Variants in GRIK2 observed in about 807,000 individuals in gnomAD.
The protein encoded by GRIK2 is glutamate receptor ionotropic, kainate 2.
A neutral mutation model predicts 100.3 loss-of-function variants in GRIK2; 32 were observed. The ratio of observed to expected loss-of-function variants is 0.32; its 90% CI spans 0.24 to 0.43. The LOEUF is 0.43. GRIK2 is among the 20% of genes least tolerant of loss of function. The pLI, the probability that GRIK2 is intolerant of heterozygous loss-of-function variation, is 1.00. For missense variants in GRIK2, 843 were observed against 1,114.9 expected (o/e 0.76, Z 3.47); for synonymous variants, 417 against 389.4 (o/e 1.07, Z -0.83).
chr6:101,493,233 T>A (rs1387143619), intron 2 of GRIK2, among the ~76,000 whole-genome samples: 1 of 152,062 alleles, frequency 6.6e-6, no homozygotes, highest in Non-Finnish European at 1.5e-5. Context: ...ACAGGGAAGA[T>A]GTTTCTGGAA....
chr6:101,584,121 T>G (rs674997), intron 2 of GRIK2, among the ~76,000 whole-genome samples: 41,099 of 151,972 alleles, frequency 0.27, 7,306 homozygotes, highest in Non-Finnish European at 0.4. Context: ...AAAATATGAT[T>G]ATAACATTTT....
chr6:101,816,520 C>G lies in GRIK2; in HGVS notation c.1204-1850C>G, dbSNP rs116916368. Among the ~76,000 whole-genome samples, 475 of 151,858 alleles carry G rather than the reference C, an allele frequency of 3.1e-3. 19 individuals are homozygous for G. The East Asian group carries it at 0.065, about 21-fold the overall frequency. ...CATGGTGAAACTAAAAATACAAATA[C>G]AAAATACTAAAAATACAAAAATTAG... On this transcript the variant is annotated intron_variant, in intron 9 of 16. Coordinates refer to ENST00000369134, the MANE Select transcript of GRIK2 (RefSeq NM_021956.5).
intron 7 of GRIK2, among the ~76,000 whole-genome samples, chr6:101,749,786 C>T (rs959330439): frequency 2.1e-5 from 3 of 144,780 alleles, no homozygotes; most frequent in African/African-American, 5.1e-5. Flanking sequence ...TTACTGAAAA[C>T]TTGTGTGTGC....
At chr6:101,883,562 A>G (rs555582915) in intron 11 of GRIK2, among the ~76,000 whole-genome samples, 17 of 152,176 alleles carry the variant, frequency 1.1e-4, no homozygotes, top group African/African-American at 1.7e-4. Context: ...AAAGTACTGT[A>G]TGGAGATAAA....
chr6:101,647,064 G>A (rs775916339), intron 4 of GRIK2, among the ~76,000 whole-genome samples: 8 of 152,034 alleles, frequency 5.3e-5, no homozygotes, highest in Non-Finnish European at 8.8e-5. Context: ...ATAAAAAAAT[G>A]TAAAATCTGA....
At chr6:101,658,098 C>T (rs1769331235) in intron 4 of GRIK2, among the ~76,000 whole-genome samples, 1 of 151,954 alleles carries the variant, frequency 6.6e-6, no homozygotes, top group Admixed American at 6.6e-5. Flanking sequence ...GATACATGTG[C>T]AGAATATGTA....
chr6:101,401,952 G>T (rs907230094), intron 2 of GRIK2, among the ~76,000 whole-genome samples: 3 of 152,036 alleles, frequency 2.0e-5, no homozygotes, highest in Admixed American at 6.6e-5. Flanking sequence ...GCCGGCAGCC[G>T]CCAGGCGCCT....
intron 2 of GRIK2, among the ~76,000 whole-genome samples, chr6:101,558,013 AC>A (rs1776827758): frequency 6.6e-6 from 1 of 152,174 alleles, no homozygotes; most frequent in Non-Finnish European, 1.5e-5. Context: ...AATTGTAGAC[AC>A]AGTGATCTTC....
At chr6:101,766,556 GTT>G (rs1250289435) in intron 7 of GRIK2, among the ~76,000 whole-genome samples, 1 of 152,054 alleles carries the variant, frequency 6.6e-6, no homozygotes, top group Non-Finnish European at 1.5e-5. Context: ...AACTATTCTA[GTT>G]TACAACATCT....
At chr6:101,701,681 T>A (rs1219433474) in intron 7 of GRIK2, among the ~76,000 whole-genome samples, 1 of 152,090 alleles carries the variant, frequency 6.6e-6, no homozygotes, top group Non-Finnish European at 1.5e-5. Context: ...CTCACTTAAG[T>A]GTTATTTTAA....
chr6:101,793,705 G>C, intron 7 of GRIK2, among the ~76,000 whole-genome samples: 1 of 152,172 alleles, frequency 6.6e-6, no homozygotes, highest in East Asian at 1.9e-4. Context: ...CAGATCTCCA[G>C]CTGCCTGCTG....
intron 10 of GRIK2, among the ~76,000 whole-genome samples, chr6:101,820,629 A>G (rs1233454249): frequency 6.6e-6 from 1 of 152,086 alleles, no homozygotes; most frequent in Non-Finnish European, 1.5e-5. Context: ...TTTTTAGTAG[A>G]GATGGGGTTT....
chr6:101,919,178 A>G (rs2128468402), intron 12 of GRIK2, among the ~76,000 whole-genome samples: 1 of 151,926 alleles, frequency 6.6e-6, no homozygotes, highest in South Asian at 2.1e-4. Context: ...TATTGATTCT[A>G]CACAAGGGGA....
rs78645512 is a variant in GRIK2 at position 101,875,978 on chromosome 6, A to G, written c.1525-13662A>G. Among the ~76,000 whole-genome samples the G allele has an allele frequency of 2.1e-4, 31 of 151,020 alleles. No homozygotes were observed. The East Asian group carries it at 5.9e-3, about 29-fold the overall frequency. On this transcript the variant is annotated intron_variant, in intron 11 of 16. Coordinates refer to ENST00000369134, the MANE Select transcript of GRIK2 (RefSeq NM_021956.5). ...CTTCTGTGGAGTCCTGTTTTCTTCT[A>G]GAATTACATATATATTGTGTGTTTA...
intron 14 of GRIK2, among the ~76,000 whole-genome samples, chr6:101,980,916 AG>A (rs1793680082): frequency 6.9e-6 from 1 of 144,038 alleles, no homozygotes; most frequent in East Asian, 2.0e-4. Context: ...TTTTTAGAAC[AG>A]GCAACTTAGA....
intron 10 of GRIK2, among the ~76,000 whole-genome samples, chr6:101,827,356 TG>T (rs1782398647): frequency 6.6e-6 from 1 of 151,992 alleles, no homozygotes; most frequent in South Asian, 2.1e-4. Context: ...ACTTGAATTT[TG>T]TTTAAAAAAG....
chr6:101,661,295 A>G (rs1238155982), intron 4 of GRIK2, among the ~76,000 whole-genome samples: 2 of 152,038 alleles, frequency 1.3e-5, no homozygotes, highest in African/African-American at 2.4e-5. Context: ...TTGCCTACTC[A>G]AGCCTCAGTA....
intron 7 of GRIK2, among the ~76,000 whole-genome samples, chr6:101,701,591 A>G (rs1772902110): frequency 6.6e-6 from 1 of 152,116 alleles, no homozygotes. Flanking sequence ...TCTTTAAAAT[A>G]TGAACTTCTC....
At chr6:101,967,919 C>A (rs1792791514) in intron 14 of GRIK2, among the ~76,000 whole-genome samples, 1 of 151,820 alleles carries the variant, frequency 6.6e-6, no homozygotes, top group African/African-American at 2.4e-5. Flanking sequence ...AACAAACCAA[C>A]AACCCCTCCC....
Sources: gnomAD v4.1 joint callset for allele counts (sites outside exome capture counted in the v4.1 genomes callset) on GRCh38, gnomAD v4.1.1 for gene constraint, MANE v1.5 for transcripts, NCBI Gene and HGNC (gene_info 2026-07-23, HGNC 2026-07-21) for gene names.